The following MYZAP variants were observed in gnomAD, a reference collection of about 807,000 sequenced individuals.
MYZAP encodes the protein GRINL1A complex locus upstream.
In MYZAP, 66 loss-of-function variants were observed where a neutral mutation model predicts 69.4. The observed-to-expected ratio is 0.95, with a 90% confidence interval of 0.78 to 1.17. The LOEUF (loss-of-function observed/expected upper bound fraction) is 1.17, where lower values mean the gene tolerates loss of function less well. Among genes scored for constraint, MYZAP ranks in the 50% most tolerant of loss-of-function variants. The probability of loss-of-function intolerance (pLI) is 0.00; values close to 1 mark genes in which losing one functional copy is unlikely to be tolerated. For missense variants in MYZAP, 611 were observed against 556.2 expected (o/e 1.10, Z -0.99); for synonymous variants, 256 against 205.9 (o/e 1.24, Z -2.09).
chr15:57,646,419 A>G (rs573883203), intron 10 of MYZAP: 6 of 1,077,334 alleles, frequency 5.6e-6, no homozygotes, highest in East Asian at 8.0e-5. Flanking sequence ...TGCAGAGTCA[A>G]GAGAACTCAC....
chr15:57,592,258 T>A, intron 1 of MYZAP, 149 bp downstream of exon 1: 1 of 692,598 alleles, frequency 1.4e-6, no homozygotes, highest in Non-Finnish European at 2.0e-6. Context: ...GTGCCGGCTC[T>A]GGCAGTGACC....
intron 12 of MYZAP, among the ~76,000 whole-genome samples, chr15:57,676,754 A>G (rs542274748): frequency 2.7e-4 from 41 of 152,276 alleles, no homozygotes; most frequent in African/African-American, 9.9e-4. Flanking sequence ...TTCAATTTGT[A>G]TGCCCAAGTA....
At chr15:57,637,823 G>A (rs1007125859) in intron 9 of MYZAP, 49 bp downstream of exon 9, 9 of 1,555,630 alleles carry the variant, frequency 5.8e-6, no homozygotes, top group Admixed American at 3.7e-5. Flanking sequence ...TTGTGGACAC[G>A]CTGTGTTTTT....
chr15:57,639,377 G>A (rs1312774447), intron 9 of MYZAP, 63 bp from the exon 10 acceptor site: 3 of 1,545,280 alleles, frequency 1.9e-6, no homozygotes, highest in Admixed American at 1.7e-5. Context: ...AGCTGTGACT[G>A]TTGCTACTGC....
chr15:57,654,835 G>T (rs549632639), intron 10 of MYZAP, among the ~76,000 whole-genome samples: 2 of 151,554 alleles, frequency 1.3e-5, no homozygotes, highest in Non-Finnish European at 2.9e-5. Context: ...ATTTCACTTT[G>T]GTCTGGTTGA....
intron 10 of MYZAP, among the ~76,000 whole-genome samples, chr15:57,641,425 T>A (rs1377291065): frequency 6.6e-6 from 1 of 152,192 alleles, no homozygotes; most frequent in Non-Finnish European, 1.5e-5. Flanking sequence ...TACATATGTA[T>A]ATGTGTGTGT....
chr15:57,623,535 C>G (rs1354712487), intron 4 of MYZAP, among the ~76,000 whole-genome samples: 5 of 152,016 alleles, frequency 3.3e-5, no homozygotes, highest in Admixed American at 6.5e-5. Context: ...GAGTTCGAGA[C>G]CAGCCTGGCC....
At chr15:57,637,854 C>A (rs1412708004) in intron 9 of MYZAP, 80 bp downstream of exon 9, 5 of 1,399,170 alleles carry the variant, frequency 3.6e-6, no homozygotes, top group African/African-American at 1.4e-5. Flanking sequence ...TTGACCCTTA[C>A]ATTTTCATTT....
At chr15:57,601,282 G>GTT (rs1219013388) in intron 1 of MYZAP, among the ~76,000 whole-genome samples, 4 of 151,476 alleles carry the variant, frequency 2.6e-5, no homozygotes, top group African/African-American at 9.7e-5. Context: ...ACTTGTGTGT[G>GTT]TGTGTGTGTG....
chr15:57,656,378 C>T (rs1410899476), intron 10 of MYZAP, among the ~76,000 whole-genome samples: 1 of 152,192 alleles, frequency 6.6e-6, no homozygotes, highest in Non-Finnish European at 1.5e-5. Context: ...GGAGAAACAT[C>T]AGTAATCATA....
At chr15:57,642,008 A>G (rs2037188316) in intron 10 of MYZAP, among the ~76,000 whole-genome samples, 1 of 152,238 alleles carries the variant, frequency 6.6e-6, no homozygotes, top group African/African-American at 2.4e-5. Flanking sequence ...AAGCAAGGCC[A>G]GGCCAGAACC....
chr15:57,650,057 A>AG (rs2037650181), intron 10 of MYZAP, among the ~76,000 whole-genome samples: 1 of 152,254 alleles, frequency 6.6e-6, no homozygotes, highest in Admixed American at 6.5e-5. Flanking sequence ...TGTTGGACAA[A>AG]TAATGATCCA....
intron 10 of MYZAP, among the ~76,000 whole-genome samples, chr15:57,655,487 G>A (rs1281277477): frequency 6.6e-6 from 1 of 152,086 alleles, no homozygotes; most frequent in Non-Finnish European, 1.5e-5. Flanking sequence ...TGGTACCAGA[G>A]CACCTGTATT....
At chr15:57,672,196 T>C (rs1241159886) in intron 11 of MYZAP, among the ~76,000 whole-genome samples, 6 of 152,196 alleles carry the variant, frequency 3.9e-5, no homozygotes, top group African/African-American at 1.4e-4. Flanking sequence ...TCTTTTGCCT[T>C]CTCCCCTACT....
rs58496976 is a variant in MYZAP at position 57,611,464 on chromosome 15, G to A, written c.163-6569G>A. Among the ~76,000 whole-genome samples, 538 of 152,008 alleles carry A rather than the reference G, an allele frequency of 3.5e-3. 3 individuals are homozygous for A. Among genetic ancestry groups the A allele is most frequent in the African/African-American group, 0.012 (515 of 41,438 alleles). ...TCTCCCGTGTATTCTTCCCTTTTCC[G>A]CGGGGGTTATTAGGCCTAAGCAACT... On this transcript the variant is annotated intron_variant, in intron 2 of 12. Coordinates refer to ENST00000267853, the MANE Select transcript of MYZAP (RefSeq NM_001018100.5).
chr15:57,642,428 T>C (rs1163679886), intron 10 of MYZAP, among the ~76,000 whole-genome samples: 1 of 152,230 alleles, frequency 6.6e-6, no homozygotes, highest in Non-Finnish European at 1.5e-5. Context: ...TCTTGAACTC[T>C]GACTCTAGAA....
chr15:57,655,615 A>G (rs1381386456), intron 10 of MYZAP, among the ~76,000 whole-genome samples: 1 of 151,894 alleles, frequency 6.6e-6, no homozygotes, highest in Non-Finnish European at 1.5e-5. Flanking sequence ...AAAAGCCATG[A>G]TCAGTTTTAA....
rs1304380147 is a variant in MYZAP at position 57,639,450 on chromosome 15, T to G, written c.1024T>G (p.Leu342Val). ...TCCTATTTGTGTTAGGTATCAGCAGTTGGAGGAGGCATCAGCCAGCCTCCG... is the reference window on the plus strand; with the variant it reads ...TCCTATTTGTGTTAGGTATCAGCAGGTGGAGGAGGCATCAGCCAGCCTCCG... ...TDSDKERYQQ[L>V]EEASASLRER... The change falls in exon 10 of 13, where the codon TTG (leucine) becomes GTG (valine). Residue 342 changes from leucine (L) to valine (V), a missense_variant. Physicochemically the swap from Leu to Val is conservative, Grantham distance 32 (BLOSUM62 1). Coordinates refer to ENST00000267853, the MANE Select transcript of MYZAP (RefSeq NM_001018100.5). 6.2e-7 allele frequency: 1 copy of G among 1,613,944 alleles called. No homozygotes were observed. Among genetic ancestry groups the G allele is most frequent in the South Asian group, 1.1e-5 (1 of 91,054 alleles).
intron 1 of MYZAP, 23 bp from the exon 2 acceptor site, chr15:57,604,246 C>T (rs750539768): frequency 6.2e-7 from 1 of 1,613,036 alleles, no homozygotes. Flanking sequence ...TCCTAACTGG[C>T]CTCTCCTTTC....
Sources: gnomAD v4.1 joint callset for allele counts (sites outside exome capture counted in the v4.1 genomes callset) on GRCh38, gnomAD v4.1.1 for gene constraint, MANE v1.5 for transcripts, NCBI Gene and HGNC (gene_info 2026-07-23, HGNC 2026-07-21) for gene names.